LRRC7: variants seen among roughly 807,000 people sequenced by gnomAD.
LRRC7 encodes the protein leucine rich repeat containing 7.
Under a neutral mutation model 175.7 loss-of-function variants are expected in LRRC7, and 23 were observed. The observed-to-expected ratio is 0.13, with a 90% confidence interval of 0.09 to 0.19. The LOEUF (loss-of-function observed/expected upper bound fraction) is 0.19, where lower values mean the gene tolerates loss of function less well. Ranked by LOEUF, LRRC7 falls within the 10% of genes least tolerant of loss-of-function variation. The probability of loss-of-function intolerance (pLI) is 1.00; values close to 1 mark genes in which losing one functional copy is unlikely to be tolerated. For missense variants in LRRC7, 1,354 were observed against 1,904.7 expected (o/e 0.71, Z 5.38); for synonymous variants, 685 against 680.9 (o/e 1.01, Z -0.09).
In LRRC7 at chr1:70,130,693, T is replaced by C. The variant is rs1324024815; in HGVS notation, c.*8806T>C. Among the ~76,000 whole-genome samples the C allele has an allele frequency of 6.6e-6, 1 of 152,220 alleles. No individual in the cohort carries two copies. The highest frequency in any genetic ancestry group is 1.5e-5 in the Non-Finnish European group (1 of 68,038). On this transcript the variant is annotated 3_prime_UTR_variant, in exon 27 of 27. Coordinates refer to ENST00000651989, the MANE Select transcript of LRRC7 (RefSeq NM_001370785.2). ...TTGGAGCACACCATATCTATCCTTT[T>C]GATTTGATTGGGTTTCCTTTCTCTT...
At position 70,107,673 on chromosome 1, in the gene LRRC7, T is replaced by C. The variant is rs1448839860; in HGVS notation, c.4546-79T>C. ...GTTTCTGGATCTGTTTTCACTGTTT[T>C]CTATGTGAATGAAGATTTGTTTAAG... On this transcript the variant is annotated intron_variant, in intron 25 of 26. Transcript: ENST00000651989. 7.8e-6 allele frequency: 8 copies of C among 1,023,034 alleles called. No individual in the cohort carries two copies. In the Admixed American group the frequency reaches 1.1e-4, roughly 14 times the overall value. The allele number at this position is 1,023,034 out of a possible 1,614,324, so 63.4% of individuals were successfully genotyped here. A position where few individuals can be genotyped will look rare whatever the true frequency, so the allele number is the denominator to read the frequency against.
At chr1:69,569,669 C>T (rs1339823759) in intron 1 of LRRC7, among the ~76,000 whole-genome samples, 1 of 151,936 alleles carries the variant, frequency 6.6e-6, no homozygotes, top group Non-Finnish European at 1.5e-5. Flanking sequence ...AGATTGCTTC[C>T]TTACACTACT....
chr1:69,787,971 T>G (rs1263181664), intron 3 of LRRC7, among the ~76,000 whole-genome samples: 3 of 151,854 alleles, frequency 2.0e-5, no homozygotes, highest in Admixed American at 6.6e-5. Context: ...CTGCCTGCCT[T>G]CCTTCCTTCT....
chr1:69,641,176 A>G (rs1654147732), intron 1 of LRRC7, among the ~76,000 whole-genome samples: 1 of 151,650 alleles, frequency 6.6e-6, no homozygotes, highest in Admixed American at 6.6e-5. Flanking sequence ...ACTCTGGAAC[A>G]ACAGTACTCA....
intron 1 of LRRC7, among the ~76,000 whole-genome samples, chr1:69,587,028 A>G (rs770338714): frequency 6.6e-6 from 1 of 152,146 alleles, no homozygotes; most frequent in Non-Finnish European, 1.5e-5. Context: ...CTGAAGAAAT[A>G]TGTTGTACAT....
intron 11 of LRRC7, among the ~76,000 whole-genome samples, chr1:70,009,680 G>A (rs1656322552): frequency 6.6e-6 from 1 of 152,126 alleles, no homozygotes; most frequent in Non-Finnish European, 1.5e-5. Flanking sequence ...CTCCAGCTTA[G>A]AGAGAATTTC....
intron 7 of LRRC7, among the ~76,000 whole-genome samples, chr1:69,847,927 T>A (rs1682555654): frequency 6.6e-6 from 1 of 152,124 alleles, no homozygotes; most frequent in Non-Finnish European, 1.5e-5. Flanking sequence ...TAGCTTGAAG[T>A]CAACATTTCT....
rs1666554726 is a variant in LRRC7 at position 70,128,939 on chromosome 1, A to C, written c.*7052A>C. The stretch of plus-strand genomic sequence containing the variant: ...TTCTGCTGGTTCTTGTGACCTTCAC[A>C]CAGCTCACATAAAGAGTGTCACGAA... On this transcript the variant is annotated 3_prime_UTR_variant, in exon 27 of 27. Transcript: ENST00000651989. The C allele has an allele frequency of 6.6e-6, 1 of 152,102 alleles. No homozygotes were observed. The highest frequency in any genetic ancestry group is 1.5e-5 in the Non-Finnish European group (1 of 68,026). 9.4% of individuals were successfully genotyped at this position (152,102 alleles called of 1,614,324 possible).
intron 7 of LRRC7, among the ~76,000 whole-genome samples, chr1:69,901,088 T>C (rs1030354209): frequency 1.3e-5 from 2 of 152,168 alleles, no homozygotes; most frequent in Admixed American, 1.3e-4. Context: ...AGAAATGATA[T>C]GATCAAATTA....
At chr1:69,632,295 A>G (rs1652636082) in intron 1 of LRRC7, among the ~76,000 whole-genome samples, 1 of 152,136 alleles carries the variant, frequency 6.6e-6, no homozygotes, top group South Asian at 2.1e-4. Context: ...ACTCTGAGCT[A>G]TGTGAGGATA....
chr1:70,036,291 C>A (rs1162081840), intron 19 of LRRC7, 59 bp downstream of exon 19: 21 of 1,464,316 alleles, frequency 1.4e-5, no homozygotes, highest in Non-Finnish European at 1.7e-5. Context: ...TGATGAATCG[C>A]CAGTTGTAAA....
At chr1:69,784,516 T>C (rs1674172011) in intron 3 of LRRC7, among the ~76,000 whole-genome samples, 1 of 152,198 alleles carries the variant, frequency 6.6e-6, no homozygotes, top group South Asian at 2.1e-4. Context: ...GAGCTCACAG[T>C]TTGATGCTTG....
chr1:70,115,923 C>T lies in LRRC7; in HGVS notation c.4621-5857C>T, dbSNP rs532554723. 3.6e-4 allele frequency among the ~76,000 whole-genome samples: 55 copies of T among 152,148 alleles called. 1 individual carries two copies. In the South Asian group the frequency reaches 8.3e-3, roughly 23 times the overall value. ...GGAGACCAGCCTGGCTACAAAGAGC[C>T]CCCTGAAAATTAGGGGTTGATTTTG... On this transcript the variant is annotated intron_variant, in intron 26 of 26. Coordinates refer to ENST00000651989, the MANE Select transcript of LRRC7 (RefSeq NM_001370785.2).
chr1:69,666,465 G>T (rs1207922916), intron 1 of LRRC7, among the ~76,000 whole-genome samples: 2 of 152,038 alleles, frequency 1.3e-5, no homozygotes, highest in Non-Finnish European at 2.9e-5. Context: ...TTTGCTGGGA[G>T]ACTTATTATT....
chr1:69,831,352 G>A (rs960025865), intron 5 of LRRC7, among the ~76,000 whole-genome samples: 1 of 151,940 alleles, frequency 6.6e-6, no homozygotes, highest in Admixed American at 6.6e-5. Context: ...CATAACAACT[G>A]TCATACTATC....
intron 17 of LRRC7, 57 bp downstream of exon 17, chr1:70,023,431 G>A: frequency 6.8e-7 from 1 of 1,463,602 alleles, no homozygotes; most frequent in Non-Finnish European, 9.1e-7. Context: ...CCTTGGAACA[G>A]TGGTTTATGG....
At chr1:69,719,163 A>C (rs975818812) in intron 2 of LRRC7, among the ~76,000 whole-genome samples, 1 of 151,756 alleles carries the variant, frequency 6.6e-6, no homozygotes, top group African/African-American at 2.4e-5. Flanking sequence ...TTCTTGCGTA[A>C]TCCCATCAAA....
chr1:69,887,664 A>G (rs530610075), intron 7 of LRRC7, among the ~76,000 whole-genome samples: 3,676 of 152,130 alleles, frequency 0.024, 156 homozygotes, highest in African/African-American at 0.084. Flanking sequence ...CTGGTGAGGA[A>G]CTGCGTTCCT....
At chr1:69,862,870 C>T (rs1213972592) in intron 7 of LRRC7, among the ~76,000 whole-genome samples, 2 of 152,046 alleles carry the variant, frequency 1.3e-5, no homozygotes, top group Admixed American at 1.3e-4. Flanking sequence ...GTTACCCTCC[C>T]TGTGTCCATG....
Sources: gnomAD v4.1 joint callset for allele counts (sites outside exome capture counted in the v4.1 genomes callset) on GRCh38, gnomAD v4.1.1 for gene constraint, MANE v1.5 for transcripts, NCBI Gene and HGNC (gene_info 2026-07-23, HGNC 2026-07-21) for gene names.